The following SETBP1 variants were observed in gnomAD, a reference collection of about 807,000 sequenced individuals.
The protein encoded by SETBP1 is SET binding protein 1.
Under a neutral mutation model 101.0 loss-of-function variants are expected in SETBP1, and 9 were observed. That is an observed-to-expected ratio of 0.09 (90% CI 0.05 to 0.16). SETBP1 has a LOEUF of 0.16. Among genes scored for constraint, SETBP1 ranks in the 10% least tolerant of loss-of-function variants. SETBP1 has a pLI of 1.00. For synonymous variants in SETBP1, 818 were observed against 788.5 expected, an observed-to-expected ratio of 1.04 and a Z score of -0.63; for missense variants, 1,858 against 2,033.8, an observed-to-expected ratio of 0.91 and a Z score of 1.66.
intron 2 of SETBP1, among the ~76,000 whole-genome samples, chr18:44,707,822 C>A (rs2069254730): frequency 6.6e-6 from 1 of 152,128 alleles, no homozygotes; most frequent in African/African-American, 2.4e-5. Context: ...GGCTTTGAAT[C>A]AGGGAGAAGG....
chr18:44,753,405 C>A (rs919615566), intron 2 of SETBP1, among the ~76,000 whole-genome samples: 1 of 152,204 alleles, frequency 6.6e-6, no homozygotes, highest in African/African-American at 2.4e-5. Context: ...GTGTCCTAAG[C>A]ATAGGAACTA....
chr18:44,709,522 C>G (rs891795568), intron 2 of SETBP1, among the ~76,000 whole-genome samples: 22 of 152,318 alleles, frequency 1.4e-4, no homozygotes, highest in Admixed American at 1.3e-3. Flanking sequence ...GGGATAACAG[C>G]AGCCCCTCCT....
At chr18:44,758,726 A>G (rs920759038) in intron 2 of SETBP1, among the ~76,000 whole-genome samples, 6 of 152,230 alleles carry the variant, frequency 3.9e-5, no homozygotes, top group African/African-American at 1.2e-4. Flanking sequence ...CATAAATCAC[A>G]TCAATGAACC....
intron 4 of SETBP1, among the ~76,000 whole-genome samples, chr18:45,027,109 C>G (rs553741359): frequency 6.6e-6 from 1 of 152,154 alleles, no homozygotes; most frequent in African/African-American, 2.4e-5. Context: ...CATAACCTTT[C>G]CACTATAGAA....
chr18:45,000,098 C>T (rs2072586064), intron 4 of SETBP1, among the ~76,000 whole-genome samples: 1 of 152,230 alleles, frequency 6.6e-6, no homozygotes, highest in African/African-American at 2.4e-5. Context: ...CTCTAACCTC[C>T]TCATTGGCAT....
chr18:45,051,629 C>T (rs533067844), intron 5 of SETBP1, among the ~76,000 whole-genome samples: 239 of 152,310 alleles, frequency 1.6e-3, no homozygotes, highest in Non-Finnish European at 2.6e-3. Flanking sequence ...CCGCTTCTCT[C>T]TCTCCCTCTA....
At chr18:44,794,756 C>T (rs1042908631) in intron 2 of SETBP1, among the ~76,000 whole-genome samples, 1 of 152,174 alleles carries the variant, frequency 6.6e-6, no homozygotes, top group African/African-American at 2.4e-5. Flanking sequence ...CATACCACTG[C>T]AGGCTCTTCA....
At chr18:44,820,362 G>C (rs903379780) in intron 2 of SETBP1, among the ~76,000 whole-genome samples, 1 of 152,204 alleles carries the variant, frequency 6.6e-6, no homozygotes, top group Non-Finnish European at 1.5e-5. Context: ...CCTAACTCTT[G>C]TAGCTTTTGA....
At chr18:44,845,334 C>T (rs924250688) in intron 2 of SETBP1, among the ~76,000 whole-genome samples, 16 of 152,164 alleles carry the variant, frequency 1.1e-4, no homozygotes, top group East Asian at 3.9e-4. Context: ...TCATTTCCCT[C>T]GGCCCCTTTG....
At chr18:44,921,019 T>A (rs1454487822) in intron 3 of SETBP1, among the ~76,000 whole-genome samples, 3 of 152,220 alleles carry the variant, frequency 2.0e-5, no homozygotes. Context: ...TCTTTATCAT[T>A]AACTACCTGG....
intron 4 of SETBP1, among the ~76,000 whole-genome samples, chr18:44,961,417 T>G (rs2071609153): frequency 6.6e-6 from 1 of 152,194 alleles, no homozygotes. Flanking sequence ...CTAGGCTGAA[T>G]GGCAAGGAGT....
intron 3 of SETBP1, among the ~76,000 whole-genome samples, chr18:44,925,792 T>C (rs2070692762): frequency 6.6e-6 from 1 of 152,204 alleles, no homozygotes; most frequent in African/African-American, 2.4e-5. Flanking sequence ...GTTTCCAAAA[T>C]GTTTTCACAT....
intron 5 of SETBP1, among the ~76,000 whole-genome samples, chr18:45,048,978 C>CAAAAAAAAAAAAAAAAA (rs71177665): frequency 5.4e-4 from 25 of 46,648 alleles, no homozygotes; most frequent in Non-Finnish European, 8.7e-4. Context: ...GACTCCGTCT[C>CAAAAAAAAAAAAAAAAA]AAAAAAAAAA....
chr18:44,711,026 G>T (rs762053666), intron 2 of SETBP1, among the ~76,000 whole-genome samples: 1 of 152,126 alleles, frequency 6.6e-6, no homozygotes, highest in African/African-American at 2.4e-5. Flanking sequence ...GCCACGCCAC[G>T]TCGTATGAAG....
chr18:44,832,273 A>G (rs16978189), intron 2 of SETBP1, among the ~76,000 whole-genome samples: 4,769 of 152,298 alleles, frequency 0.031, 242 homozygotes, highest in African/African-American at 0.11. Context: ...GTCAAACATC[A>G]GTGAACATAA....
intron 3 of SETBP1, among the ~76,000 whole-genome samples, chr18:44,922,914 G>A (rs768850038): frequency 6.6e-5 from 10 of 152,184 alleles, no homozygotes; most frequent in South Asian, 2.1e-4. Flanking sequence ...TCCTCCAAGG[G>A]ATGAGAAGAA....
Position 44,926,762 on chromosome 18 carries a change from A to AAAC in SETBP1, c.541-23095_541-23093dup, listed in dbSNP as rs200000678. Among the ~76,000 whole-genome samples the AAAC allele has an allele frequency of 2.2e-3, 213 of 96,080 alleles. 4 individuals carry two copies. The highest frequency in any genetic ancestry group is 0.016 in the Middle Eastern group (3 of 190). The allele number at this position is 96,080 out of a possible 152,430, so 63.0% of individuals were successfully genotyped here. On this transcript the variant is annotated intron_variant, in intron 3 of 5. Coordinates refer to ENST00000649279, the MANE Select transcript of SETBP1 (RefSeq NM_015559.3). ...CTGATTTAAAAACAAACAAACAAAC[A>AAAC]AACAACAACAACAACAACAACAACA...
intron 2 of SETBP1, among the ~76,000 whole-genome samples, chr18:44,789,042 A>G (rs1192433700): frequency 6.6e-6 from 1 of 151,990 alleles, no homozygotes; most frequent in Non-Finnish European, 1.5e-5. Context: ...GGCTCAAGTA[A>G]TTCACCCGCC....
chr18:44,810,850 C>A (rs1428207092), intron 2 of SETBP1, among the ~76,000 whole-genome samples: 3 of 152,190 alleles, frequency 2.0e-5, no homozygotes, highest in Non-Finnish European at 4.4e-5. Flanking sequence ...GATGTTGCCT[C>A]ACCCAGAAAT....
Sources: gnomAD v4.1 joint callset for allele counts (sites outside exome capture counted in the v4.1 genomes callset) on GRCh38, gnomAD v4.1.1 for gene constraint, MANE v1.5 for transcripts, NCBI Gene and HGNC (gene_info 2026-07-23, HGNC 2026-07-21) for gene names.